The following CCDC82 variants were observed in gnomAD, a reference collection of about 807,000 sequenced individuals.
CCDC82 encodes coiled-coil domain-containing protein 82.
CCDC82 carries 47 observed loss-of-function variants against 60.6 expected under a neutral mutation model. That is an observed-to-expected ratio of 0.77 (90% CI 0.61 to 0.99). The LOEUF is 0.99. Among genes scored for constraint, CCDC82 ranks in the 50% least tolerant of loss-of-function variants. The pLI is 0.00. For synonymous variants in CCDC82, 212 were observed against 207.4 expected, an observed-to-expected ratio of 1.02 and a Z score of -0.19; for missense variants, 588 against 633.0, an observed-to-expected ratio of 0.93 and a Z score of 0.76.
At chr11:96,382,959 AT>A (rs1865957637) in intron 5 of CCDC82, 1 of 219,938 alleles carries the variant, frequency 4.5e-6, no homozygotes, top group African/African-American at 2.3e-5. Flanking sequence ...CATTAATGTA[AT>A]AAATTTACTA....
chr11:96,381,568 C>T (rs779414010), intron 5 of CCDC82: 1 of 151,596 alleles, frequency 6.6e-6, no homozygotes, highest in Non-Finnish European at 1.5e-5. Context: ...TGTAAAACAT[C>T]ATAAAAACAA....
chr11:96,386,880 A>G (rs932512878), intron 2 of CCDC82: 1 of 152,238 alleles, frequency 6.6e-6, no homozygotes, highest in Non-Finnish European at 1.5e-5. Context: ...TCTATATTAA[A>G]GTATGGTTTT....
chr11:96,379,258 A>C (rs1192337121), intron 5 of CCDC82, among the ~76,000 whole-genome samples: 1 of 151,936 alleles, frequency 6.6e-6, no homozygotes, highest in African/African-American at 2.4e-5. Context: ...AACTGTCTAT[A>C]TTAAATTTTA....
At chr11:96,378,053 A>C (rs1206499865) in intron 5 of CCDC82, among the ~76,000 whole-genome samples, 5 of 151,750 alleles carry the variant, frequency 3.3e-5, no homozygotes, top group Non-Finnish European at 7.4e-5. Context: ...CCCTCCCCCA[A>C]ATTTGTGAAA....
intron 7 of CCDC82, among the ~76,000 whole-genome samples, chr11:96,367,820 CTTTT>C (rs777554159): frequency 3.3e-5 from 4 of 122,704 alleles, no homozygotes; most frequent in East Asian, 2.3e-4. Flanking sequence ...AAATGTATTT[CTTTT>C]TTTTTTTTTT....
intron 8 of CCDC82, chr11:96,363,376 C>A (rs1864772444): frequency 6.6e-6 from 1 of 152,092 alleles, no homozygotes; most frequent in Admixed American, 6.5e-5. Context: ...TTTTGTAAGT[C>A]ATTCTTCACT....
chr11:96,368,991 A>G (rs1447930063), intron 7 of CCDC82, among the ~76,000 whole-genome samples: 1 of 152,138 alleles, frequency 6.6e-6, no homozygotes, highest in Non-Finnish European at 1.5e-5. Context: ...CTTCTCCATT[A>G]GCACTTGCTG....
chr11:96,358,307 A>G lies in CCDC82; in HGVS notation c.1566+686T>C, dbSNP rs56791069. 2,925 of 1,177,128 alleles carry G rather than the reference A, an allele frequency of 2.5e-3. 48 individuals are homozygous for G. The African/African-American group carries it at 0.041, about 17-fold the overall frequency. 72.9% of individuals were successfully genotyped at this position (1,177,128 alleles called of 1,614,324 possible). On this transcript the variant is annotated intron_variant, in intron 9 of 9. Coordinates refer to ENST00000646818, the MANE Select transcript of CCDC82 (RefSeq NM_024725.4). ...CGTATTAGCATTCTTTCCATATACC[A>G]TAAACAATTCTAAAAGCTCTGTGAG...
intron 9 of CCDC82, chr11:96,358,513 T>G (rs571151728): frequency 1.6e-6 from 2 of 1,233,294 alleles, no homozygotes; most frequent in Admixed American, 4.2e-5. Flanking sequence ...CACTGCTCAG[T>G]CCCATGTCCT....
Position 96,365,208 on chromosome 11 carries a change from G to C in CCDC82, c.1210-58C>G, listed in dbSNP as rs539462652. ...AGATAAAGAATAAAAATAAAAGTAA[G>C]AATCTAACCAATTAAAACATCTTAG... On this transcript the variant is annotated intron_variant, in intron 7 of 9. Coordinates refer to ENST00000646818, the MANE Select transcript of CCDC82 (RefSeq NM_024725.4). 81 of 1,155,488 alleles carry C rather than the reference G, an allele frequency of 7.0e-5. No homozygotes were observed. In the African/African-American group the frequency reaches 8.8e-4, roughly 12 times the overall value. The allele number at this position is 1,155,488 out of a possible 1,614,324, so 71.6% of individuals were successfully genotyped here.
intron 5 of CCDC82, 69 bp downstream of exon 5, chr11:96,383,200 G>A: frequency 2.2e-6 from 2 of 907,816 alleles, no homozygotes; most frequent in Non-Finnish European, 3.6e-6. Context: ...GATATTAAAA[G>A]GCTAATTTGA....
chr11:96,354,370 G>GA (rs1338905291), intron 9 of CCDC82: 1 of 152,180 alleles, frequency 6.6e-6, no homozygotes, highest in Non-Finnish European at 1.5e-5. Context: ...ATTTTTAGGA[G>GA]AACAGAGAGA....
intron 5 of CCDC82, among the ~76,000 whole-genome samples, chr11:96,377,850 C>G (rs1217312058): frequency 6.6e-6 from 1 of 152,016 alleles, no homozygotes; most frequent in Non-Finnish European, 1.5e-5. Context: ...CCTCTTTAAT[C>G]TGCATAAATG....
At chr11:96,372,725 T>C (rs1309537311) in intron 6 of CCDC82, among the ~76,000 whole-genome samples, 1 of 145,428 alleles carries the variant, frequency 6.9e-6, no homozygotes, top group Non-Finnish European at 1.5e-5. Context: ...TATATTTATA[T>C]ATATAAATAT....
intron 5 of CCDC82, chr11:96,381,100 T>C (rs2136190692): frequency 6.6e-6 from 1 of 151,656 alleles, no homozygotes; most frequent in East Asian, 1.9e-4. Context: ...ACTCCAAAAG[T>C]GCCCTTAAAA....
intron 6 of CCDC82, 46 bp from the exon 7 acceptor site, chr11:96,371,183 A>G: frequency 7.3e-7 from 1 of 1,376,382 alleles, no homozygotes; most frequent in Non-Finnish European, 9.7e-7. Context: ...GTTAATTAGA[A>G]ATATTTAAAC....
rs1360144552 is a variant in CCDC82, at chr11:96,384,054, A to C, written c.694T>G (p.Leu232Val). 3 of 1,613,730 alleles carry C rather than the reference A, an allele frequency of 1.9e-6. No individual in the cohort carries two copies. Among genetic ancestry groups the C allele is most frequent in the Non-Finnish European group, 2.5e-6 (3 of 1,179,740 alleles). Residue 232 changes from leucine to valine, a missense_variant, in exon 4 of 10, where the codon TTA (leucine) becomes GTA (valine). By Grantham distance (32) the Leu-to-Val change is conservative. Coordinates refer to ENST00000646818, the MANE Select transcript of CCDC82 (RefSeq NM_024725.4). ...AGTTTTTCTCGCTTTTGTGCAGCTA[A>C]TGTTTTTTCAGGAGTCTTTTGCTCC... The part of the protein sequence containing the change: ...EMEQKTPEKT[L>V]AAQKREKLQK...
intron 8 of CCDC82, among the ~76,000 whole-genome samples, chr11:96,362,813 A>C (rs904112202): frequency 1.3e-5 from 2 of 152,206 alleles, no homozygotes; most frequent in Non-Finnish European, 2.9e-5. Context: ...TTTGCTGTTA[A>C]GTGAATTCCT....
intron 7 of CCDC82, among the ~76,000 whole-genome samples, chr11:96,369,817 T>C (rs1029230573): frequency 1.3e-5 from 2 of 152,324 alleles, no homozygotes; most frequent in South Asian, 4.1e-4. Context: ...ATACATTATC[T>C]GCAAAGTGCA....
Sources: allele counts gnomAD v4.1 joint callset (sites outside exome capture counted in the v4.1 genomes callset), GRCh38; gene constraint gnomAD v4.1.1; transcripts MANE v1.5; gene names NCBI Gene and HGNC (gene_info 2026-07-23, HGNC 2026-07-21).